RP1: variants seen among roughly 807,000 people sequenced by gnomAD.
RP1 encodes the protein RP1 axonemal microtubule associated.
In RP1, 16 loss-of-function variants were observed where a neutral mutation model predicts 14.8. The observed-to-expected ratio is 1.08, with a 90% confidence interval of 0.73 to 1.65. The LOEUF (loss-of-function observed/expected upper bound fraction) is 1.65. Among genes scored for constraint, RP1 ranks in the 40% most tolerant of loss-of-function variants. The pLI is 0.00. For synonymous variants in RP1, 876 were observed against 883.6 expected (o/e 0.99, Z 0.15); for missense variants, 2,631 against 2,535.0 (o/e 1.04, Z -0.81).
At chr8:54,706,668 T>C (rs1355748766) in intron 15 of RP1, 1 of 1,534,862 alleles carries the variant, frequency 6.5e-7, no homozygotes, top group Non-Finnish European at 8.7e-7. Flanking sequence ...AAGCATCTGC[T>C]CTTGTTTCTC....
chr8:54,795,697 C>CT (rs1563378837), intron 24 of RP1, among the ~76,000 whole-genome samples: 1 of 152,114 alleles, frequency 6.6e-6, no homozygotes, highest in African/African-American at 2.4e-5. Flanking sequence ...CTGACATCTT[C>CT]TTTTGAAAGA....
chr8:54,722,272 T>TG (rs200396293), intron 16 of RP1, among the ~76,000 whole-genome samples: 3,887 of 132,810 alleles, frequency 0.029, 72 homozygotes, highest in East Asian at 0.052. Flanking sequence ...TGGTTTTTTT[T>TG]TTTGTGTGTG....
intron 14 of RP1, among the ~76,000 whole-genome samples, chr8:54,702,570 C>G (rs1005997979): frequency 6.6e-6 from 1 of 152,040 alleles, no homozygotes; most frequent in Non-Finnish European, 1.5e-5. Flanking sequence ...GGTCTTGCCT[C>G]GATATTGACA....
At chr8:54,649,818 G>T (rs422156) in intron 4 of RP1, among the ~76,000 whole-genome samples, 10,087 of 152,244 alleles carry the variant, frequency 0.066, 438 homozygotes, top group Non-Finnish European at 0.1. Flanking sequence ...AGTCTTCACA[G>T]GACAGCCATC....
intron 2 of RP1, 42 bp downstream of exon 2, chr8:54,621,623 G>A (rs1805881532): frequency 6.2e-7 from 1 of 1,612,920 alleles, no homozygotes; most frequent in African/African-American, 1.3e-5. Flanking sequence ...CTCATTTTGA[G>A]CACCCTACTA....
At chr8:54,664,357 A>G (rs1294622947) in intron 7 of RP1, among the ~76,000 whole-genome samples, 1 of 152,158 alleles carries the variant, frequency 6.6e-6, no homozygotes, top group Admixed American at 6.6e-5. Flanking sequence ...CTGTGTACAT[A>G]GGGGTGCAGA....
At chr8:54,694,379 G>A (rs1176427819) in intron 12 of RP1, among the ~76,000 whole-genome samples, 2 of 152,188 alleles carry the variant, frequency 1.3e-5, no homozygotes, top group African/African-American at 4.8e-5. Context: ...GATTGGAATA[G>A]TTTCAGAAGG....
Position 54,559,572 on chromosome 8 carries a change from C to T in RP1, c.-13+252C>T, listed in dbSNP as rs74802450. Among the ~76,000 whole-genome samples, 982 of 152,168 alleles carry T rather than the reference C, an allele frequency of 6.5e-3. 11 individuals carry two copies. Among genetic ancestry groups the T allele is most frequent in the African/African-American group, 0.022 (924 of 41,520 alleles). On this transcript the variant is annotated intron_variant, in intron 1 of 22. Coordinates refer to the RP1 transcript ENST00000636932. ...CCATTTTTCCTGTGAGGCATTTTTG[C>T]AGATATTTGTAAGGTATTGTAGTTT...
chr8:54,605,502 G>T (rs1016408944), intron 1 of RP1, among the ~76,000 whole-genome samples: 2 of 152,020 alleles, frequency 1.3e-5, no homozygotes, highest in African/African-American at 4.8e-5. Flanking sequence ...GTGCTGAAAA[G>T]AATGTATATT....
At chr8:54,740,151 A>G (rs924615519) in intron 19 of RP1, among the ~76,000 whole-genome samples, 3 of 149,882 alleles carry the variant, frequency 2.0e-5, no homozygotes, top group Non-Finnish European at 4.4e-5. Context: ...TATTATACTT[A>G]TATTAACTCA....
At chr8:54,706,552 C>T in exon 15 of RP1, 1 of 1,535,988 alleles carries the variant, frequency 6.5e-7, no homozygotes, top group African/African-American at 1.4e-5. Flanking sequence ...TCTGAAAAAT[C>T]CTACTGGAAA....
At chr8:54,839,358 G>A (rs1469744726) in intron 25 of RP1, among the ~76,000 whole-genome samples, 1 of 152,096 alleles carries the variant, frequency 6.6e-6, no homozygotes, top group Non-Finnish European at 1.5e-5. Context: ...ACCATTCCAC[G>A]CAGATAAGGG....
At chr8:54,789,835 G>A (rs1810417218) in intron 24 of RP1, among the ~76,000 whole-genome samples, 2 of 152,134 alleles carry the variant, frequency 1.3e-5, no homozygotes, top group African/African-American at 4.8e-5. Context: ...TGCATTATCA[G>A]GCAACCCACC....
chr8:54,607,045 G>A (rs544276163), intron 1 of RP1, among the ~76,000 whole-genome samples: 4 of 152,134 alleles, frequency 2.6e-5, no homozygotes, highest in Admixed American at 1.3e-4. Context: ...CTCTCAACTC[G>A]TCAAAGTCAT....
chr8:54,696,261 C>A, intron 12 of RP1: 1 of 316,240 alleles, frequency 3.2e-6, no homozygotes, highest in Non-Finnish European at 5.7e-6. Flanking sequence ...CCAATAACTA[C>A]CATAATCCTC....
rs968407038 is a variant in RP1, at chr8:54,803,354, G to A, written c.3615+19644G>A. On this transcript the variant is annotated intron_variant, in intron 24 of 28. Transcript: ENST00000637698. The stretch of plus-strand genomic sequence containing the variant: ...ACAATTAGATGTCACAGATGAACAC[G>A]GGAAAAATGATGAACACTACCTTGT... 5.9e-5 allele frequency among the ~76,000 whole-genome samples: 9 copies of A among 152,042 alleles called. No homozygotes were observed. The East Asian group carries it at 1.2e-3, about 20-fold the overall frequency.
At chr8:54,809,814 T>G (rs1810944778) in intron 24 of RP1, among the ~76,000 whole-genome samples, 1 of 152,214 alleles carries the variant, frequency 6.6e-6, no homozygotes, top group African/African-American at 2.4e-5. Flanking sequence ...AATAAGAAAG[T>G]CATTTGTGAT....
At chr8:54,562,038 T>G (rs1804295990) in intron 1 of RP1, 1 of 152,220 alleles carries the variant, frequency 6.6e-6, no homozygotes, top group Admixed American at 6.5e-5. Context: ...TATATGAAAT[T>G]GACTGTCAAA....
At chr8:54,850,523 A>G (rs1229978637) in intron 25 of RP1, among the ~76,000 whole-genome samples, 1 of 152,214 alleles carries the variant, frequency 6.6e-6, no homozygotes, top group Admixed American at 6.5e-5. Flanking sequence ...TTTTAAATCA[A>G]CAACTTTGAG....
Sources: gnomAD v4.1 joint callset for allele counts (sites outside exome capture counted in the v4.1 genomes callset) on GRCh38, gnomAD v4.1.1 for gene constraint, MANE v1.5 for transcripts, NCBI Gene and HGNC (gene_info 2026-07-23, HGNC 2026-07-21) for gene names.